The following TENM2 variants were observed in gnomAD, a reference collection of about 807,000 sequenced individuals.
TENM2 encodes teneurin-2.
Under a neutral mutation model 245.2 loss-of-function variants are expected in TENM2, and 52 were observed. The observed-to-expected ratio is 0.21, with a 90% CI of 0.17 to 0.27. TENM2 has a LOEUF of 0.27. TENM2 is among the 10% of genes least tolerant of loss of function. The pLI is 1.00. For synonymous variants in TENM2, 1,363 were observed against 1,438.9 expected (o/e 0.95, Z 1.19); for missense variants, 3,046 against 3,666.8 (o/e 0.83, Z 4.37).
rs1225229685 is a variant in TENM2 at position 167,411,407 on chromosome 5, A to T, written c.502+35934A>T. 2.0e-5 allele frequency among the ~76,000 whole-genome samples: 3 copies of T among 152,244 alleles called. No individual in the cohort carries two copies. In the East Asian group the frequency reaches 5.8e-4, roughly 29 times the overall value. On this transcript the variant is annotated intron_variant, in intron 2 of 28. Transcript: ENST00000518659. ...ACTTTAATTGTGAAGCATAAACAAA[A>T]GTGTAACCTTTGTGGAGTACGCTGA...
At chr5:168,205,383 G>A (rs1385066238) in intron 19 of TENM2, among the ~76,000 whole-genome samples, 2 of 151,756 alleles carry the variant, frequency 1.3e-5, no homozygotes, top group African/African-American at 2.4e-5. Flanking sequence ...TTCTGGTAAG[G>A]AGCCACAGAC....
At chr5:167,339,928 C>A (rs1421920002) in intron 1 of TENM2, among the ~76,000 whole-genome samples, 1 of 152,208 alleles carries the variant, frequency 6.6e-6, no homozygotes, top group Non-Finnish European at 1.5e-5. Context: ...TTGGACTCGA[C>A]AACATATAGA....
chr5:167,006,035 G>A, the TENM2 span, among the ~76,000 whole-genome samples: 22 of 152,090 alleles, frequency 1.4e-4, no homozygotes, highest in African/African-American at 5.1e-4. Context: ...CATGGTAGGA[G>A]AGGATGTAAA....
At chr5:167,406,059 G>A (rs1172748095) in intron 2 of TENM2, among the ~76,000 whole-genome samples, 3 of 152,028 alleles carry the variant, frequency 2.0e-5, no homozygotes, top group Non-Finnish European at 4.4e-5. Flanking sequence ...AGAGCATACT[G>A]AGAGTTTCTC....
chr5:168,057,917 C>G (rs1029345767), intron 6 of TENM2, among the ~76,000 whole-genome samples: 1 of 133,618 alleles, frequency 7.5e-6, no homozygotes, highest in Non-Finnish European at 1.6e-5. Context: ...TTCAATATGG[C>G]TTTACTCTCT....
chr5:167,696,790 C>T (rs935645248), intron 2 of TENM2, among the ~76,000 whole-genome samples: 2 of 152,152 alleles, frequency 1.3e-5, no homozygotes, highest in African/African-American at 4.8e-5. Context: ...CTGAGGATCT[C>T]CCAGCTGCTC....
At chr5:167,653,378 C>A (rs1299890122) in intron 2 of TENM2, 3 of 152,134 alleles carry the variant, frequency 2.0e-5, no homozygotes, top group Non-Finnish European at 2.9e-5. Context: ...ACCTTGGCTT[C>A]CAGAGCAGCT....
At chr5:167,953,018 A>G (rs1338432200) in intron 4 of TENM2, among the ~76,000 whole-genome samples, 196 bp downstream of exon 6, 1 of 152,142 alleles carries the variant, frequency 6.6e-6, no homozygotes, top group Non-Finnish European at 1.5e-5. Context: ...CTTCGTTCAC[A>G]TGTGTCTCCT....
chr5:167,228,351 A>G, the TENM2 span, among the ~76,000 whole-genome samples: 794 of 151,560 alleles, frequency 5.2e-3, 13 homozygotes, highest in Middle Eastern at 0.071. Context: ...CTTCTGCTTG[A>G]TCGTGTCTAT....
At chr5:167,074,490 G>T in the TENM2 span, among the ~76,000 whole-genome samples, 1 of 152,180 alleles carries the variant, frequency 6.6e-6, no homozygotes, top group African/African-American at 2.4e-5. Flanking sequence ...TACAGAAGGT[G>T]CAGATTATAT....
At chr5:167,655,736 T>C (rs1055226045) in intron 2 of TENM2, among the ~76,000 whole-genome samples, 3 of 152,232 alleles carry the variant, frequency 2.0e-5, no homozygotes, top group African/African-American at 7.2e-5. Context: ...TCAAAGTATA[T>C]GATGGTGTCA....
downstream of TENM2, chr5:168,263,043 G>A (rs767758623): frequency 6.5e-5 from 32 of 488,584 alleles, 1 homozygote; most frequent in Middle Eastern, 1.1e-3. Context: ...CAAAACAAAC[G>A]AATGAATGAA....
At chr5:167,405,714 A>G (rs1762592105) in intron 2 of TENM2, among the ~76,000 whole-genome samples, 2 of 151,462 alleles carry the variant, frequency 1.3e-5, no homozygotes, top group Non-Finnish European at 2.9e-5. Flanking sequence ...ATTTTAGGAC[A>G]TAAGCCCCAC....
At chr5:168,252,058 G>T (rs993505466) in intron 27 of TENM2, among the ~76,000 whole-genome samples, 8 of 152,208 alleles carry the variant, frequency 5.3e-5, no homozygotes, top group Non-Finnish European at 1.2e-4. Context: ...TACCTGTGAT[G>T]AAAAGATATG....
intron 2 of TENM2, among the ~76,000 whole-genome samples, chr5:167,672,334 C>A (rs1756011111): frequency 6.6e-6 from 1 of 151,394 alleles, no homozygotes; most frequent in African/African-American, 2.4e-5. Flanking sequence ...ATATATGTAC[C>A]TTTAATAAAA....
upstream of TENM2, among the ~76,000 whole-genome samples, chr5:167,282,499 G>T (rs1452391660): frequency 6.6e-6 from 1 of 152,186 alleles, no homozygotes; most frequent in Admixed American, 6.5e-5. Flanking sequence ...GAGCCCCTAT[G>T]ATGTGTTAGA....
At chr5:168,190,516 A>G (rs1197262445) in exon 14 of TENM2, 2 of 1,613,870 alleles carry the variant, frequency 1.2e-6, no homozygotes, top group Admixed American at 1.7e-5. Flanking sequence ...TAGCACCCAC[A>G]TCATTCCTGG....
chr5:168,031,050 C>G (rs895947624), intron 5 of TENM2, among the ~76,000 whole-genome samples: 2 of 152,238 alleles, frequency 1.3e-5, no homozygotes, highest in African/African-American at 4.8e-5. Context: ...CCCCCGACCA[C>G]TGCTTAGTGT....
intron 2 of TENM2, among the ~76,000 whole-genome samples, chr5:167,499,387 A>G (rs892517844): frequency 4.3e-4 from 66 of 152,160 alleles, no homozygotes; most frequent in African/African-American, 1.5e-3. Flanking sequence ...GGCATGGGGA[A>G]TGTTTCCCAA....
Sources: gnomAD v4.1 joint callset for allele counts (sites outside exome capture counted in the v4.1 genomes callset) on GRCh38, gnomAD v4.1.1 for gene constraint, MANE v1.5 for transcripts, NCBI Gene and HGNC (gene_info 2026-07-23, HGNC 2026-07-21) for gene names.